The following CDCA7L variants were observed in gnomAD, a reference collection of about 807,000 sequenced individuals.
CDCA7L encodes the protein cell division cycle associated 7 like, also known as cell division cycle-associated 7-like protein.
Under a neutral mutation model 57.4 loss-of-function variants are expected in CDCA7L, and 44 were observed. The observed-to-expected ratio is 0.77, with a 90% confidence interval of 0.60 to 0.98. The LOEUF (loss-of-function observed/expected upper bound fraction) is 0.98, where lower values mean the gene tolerates loss of function less well. CDCA7L is among the 50% of genes least tolerant of loss of function. The probability of loss-of-function intolerance (pLI) is 0.00; values close to 1 mark genes in which losing one functional copy is unlikely to be tolerated. For missense variants in CDCA7L, 644 were observed against 580.6 expected, an observed-to-expected ratio of 1.11 and a Z score of -1.12; for synonymous variants, 236 against 202.8, an observed-to-expected ratio of 1.16 and a Z score of -1.39.
Position 21,901,657 on chromosome 7 carries a change from C to T in CDCA7L, c.*665G>A, listed in dbSNP as rs1296841980. On this transcript the variant is annotated 3_prime_UTR_variant, in exon 10 of 10. Transcript: ENST00000406877. Reference sequence around the variant, plus strand: ...AAAGAACGGAGATTTTAATTTTTAACAAACAACAAATTAAATTATTAGCCC... The same window carrying T: ...AAAGAACGGAGATTTTAATTTTTAATAAACAACAAATTAAATTATTAGCCC... 6.4e-6 allele frequency: 1 copy of T among 157,096 alleles called. No homozygotes were observed. Among genetic ancestry groups the T allele is most frequent in the Non-Finnish European group, 1.4e-5 (1 of 71,396 alleles). 9.7% of individuals were successfully genotyped at this position (157,096 alleles called of 1,614,324 possible).
At chr7:21,921,521 A>T (rs1785652450) in intron 1 of CDCA7L, among the ~76,000 whole-genome samples, 1 of 151,814 alleles carries the variant, frequency 6.6e-6, no homozygotes, top group Non-Finnish European at 1.5e-5. Context: ...AGGCCCAAGG[A>T]TCTGTCACTT....
intron 4 of CDCA7L, among the ~76,000 whole-genome samples, chr7:21,907,005 T>A (rs1562621863): frequency 6.6e-6 from 1 of 152,102 alleles, no homozygotes; most frequent in Non-Finnish European, 1.5e-5. Flanking sequence ...AGTCTCAAGT[T>A]TCAGGATGTT....
chr7:21,901,550 CAGAACAAGACTCCA>C lies in CDCA7L; in HGVS notation c.*758_*771del. On this transcript the variant is annotated 3_prime_UTR_variant, in exon 10 of 10. Transcript: ENST00000406877. ...CACCACTGCACTCCCTCCTGGGCAA[CAGAACAAGACTCCA>C]TCTCAAAAAAAAAAAAGTACATCAT... 1 of 217,030 alleles carries C rather than the reference CAGAACAAGACTCCA, an allele frequency of 4.6e-6. No homozygotes were observed. The highest frequency in any genetic ancestry group is 9.0e-6 in the Non-Finnish European group (1 of 111,670). The allele number at this position is 217,030 out of a possible 1,614,324, so 13.4% of individuals were successfully genotyped here.
chr7:21,904,457 C>CTGTT (rs1217591176), intron 7 of CDCA7L, among the ~76,000 whole-genome samples, 198 bp from the exon 8 acceptor site: 3 of 152,232 alleles, frequency 2.0e-5, no homozygotes, highest in Admixed American at 6.5e-5. Flanking sequence ...AGTCTGTGGC[C>CTGTT]TGTTTGGAAC....
rs1209040924 is a variant in CDCA7L, at chr7:21,901,339, T to TCTAA, written c.*979_*982dup. The TCTAA allele has an allele frequency of 4.7e-5, 67 of 1,414,384 alleles. No individual in the cohort carries two copies. The highest frequency in any genetic ancestry group is 4.3e-4 in the Middle Eastern group (2 of 4,670). 87.6% of individuals were successfully genotyped at this position (1,414,384 alleles called of 1,614,324 possible). A position where few individuals can be genotyped will look rare whatever the true frequency, so the allele number is the denominator to read the frequency against. ...GCTGCACTGTTCCCATGCACATTAT[T>TCTAA]CTAACTTTTTAGTAACTCACACGTG... On this transcript the variant is annotated 3_prime_UTR_variant, in exon 10 of 10. Coordinates refer to ENST00000406877, the MANE Select transcript of CDCA7L (RefSeq NM_018719.5).
At chr7:21,927,637 A>G (rs1187474755) in intron 1 of CDCA7L, among the ~76,000 whole-genome samples, 6 of 152,234 alleles carry the variant, frequency 3.9e-5, no homozygotes, top group Non-Finnish European at 8.8e-5. Flanking sequence ...AACTCCCCAA[A>G]CTGGCTGAAA....
chr7:21,905,734 C>A (rs958441329), intron 6 of CDCA7L, 103 bp from the exon 7 acceptor site: 4 of 1,254,010 alleles, frequency 3.2e-6, no homozygotes, highest in Non-Finnish European at 4.2e-6. Context: ...AATGTTAACC[C>A]CGTCCCTCTT....
chr7:21,927,121 T>C (rs1476460210), intron 1 of CDCA7L, among the ~76,000 whole-genome samples: 1 of 151,902 alleles, frequency 6.6e-6, no homozygotes, highest in Non-Finnish European at 1.5e-5. Context: ...CAAAGACATA[T>C]AAAAAAGAAG....
At chr7:21,933,796 T>G (rs1484181127) in intron 1 of CDCA7L, among the ~76,000 whole-genome samples, 1 of 138,458 alleles carries the variant, frequency 7.2e-6, no homozygotes, top group Non-Finnish European at 1.6e-5. Context: ...GAACTTAAAG[T>G]ATAAAAAAAA....
Position 21,916,651 on chromosome 7 carries a change from G to T in CDCA7L, c.165+103C>A. On this transcript the variant is annotated intron_variant, in intron 2 of 9. Transcript: ENST00000406877. ...TTTCTAAAATAAAATGCTAGACAAT[G>T]AACTGATATCACCAATCTCACACCA... 5 of 1,048,722 alleles carry T rather than the reference G, an allele frequency of 4.8e-6. No homozygotes were observed. The South Asian group carries it at 7.5e-5, about 16-fold the overall frequency. 65.0% of individuals were successfully genotyped at this position (1,048,722 alleles called of 1,614,324 possible). A position where few individuals can be genotyped will look rare whatever the true frequency, so the allele number is the denominator to read the frequency against.
chr7:21,938,822 C>A (rs543228677), intron 1 of CDCA7L, among the ~76,000 whole-genome samples: 9 of 152,032 alleles, frequency 5.9e-5, no homozygotes, highest in African/African-American at 2.2e-4. Context: ...CTGGGCAACA[C>A]AGAGACTCCA....
chr7:21,917,567 T>C (rs749313447), intron 1 of CDCA7L, among the ~76,000 whole-genome samples: 8 of 152,214 alleles, frequency 5.3e-5, no homozygotes, highest in Non-Finnish European at 4.4e-5. Context: ...TTAAAAAAGT[T>C]CAAACACACA....
chr7:21,903,888 G>GGAAAATCTA (rs1785035972), intron 8 of CDCA7L: 2 of 410,690 alleles, frequency 4.9e-6, no homozygotes, highest in Admixed American at 8.4e-5. Flanking sequence ...CTCTGACAAT[G>GGAAAATCTA]GAAAATCTAA....
intron 1 of CDCA7L, among the ~76,000 whole-genome samples, chr7:21,928,202 A>G (rs992576142): frequency 6.6e-6 from 1 of 152,226 alleles, no homozygotes; most frequent in African/African-American, 2.4e-5. Context: ...GCAGACCTGC[A>G]GCAGAGGGGC....
intron 1 of CDCA7L, among the ~76,000 whole-genome samples, chr7:21,924,499 G>A (rs1583864120): frequency 2.6e-5 from 4 of 152,134 alleles, no homozygotes; most frequent in East Asian, 3.9e-4. Flanking sequence ...CACGAAGGGC[G>A]AGAACTGTTA....
At chr7:21,904,528 C>A (rs1785069416) in intron 7 of CDCA7L, among the ~76,000 whole-genome samples, 1 of 152,156 alleles carries the variant, frequency 6.6e-6, no homozygotes, top group Admixed American at 6.5e-5. Flanking sequence ...AGCTCTGCCT[C>A]CTGTCAGATC....
At position 21,904,252 on chromosome 7, in the gene CDCA7L, G is replaced by C; in HGVS notation, c.1055C>G (p.Thr352Arg). 1.2e-6 allele frequency: 2 copies of C among 1,604,178 alleles called. No individual in the cohort carries two copies. The highest frequency in any genetic ancestry group is 1.7e-6 in the Non-Finnish European group (2 of 1,175,314). ...GGTCTTTTGTCGACACTGATGGCAC[G>C]TGTTACCCTACAGGGGGAAGGCAGT... ...DKIYDKVLGNTCHQCRQKTID... is the reference protein window; with the variant it reads ...DKIYDKVLGNRCHQCRQKTID... The change falls in exon 8 of 10, where the codon ACG becomes AGG. Residue 352 changes from threonine (T) to arginine (R), a missense_variant. By Grantham distance (71) the Thr-to-Arg change is moderately conservative. Transcript: ENST00000406877.
At chr7:21,940,472 A>C (rs10264970) in intron 1 of CDCA7L, among the ~76,000 whole-genome samples, 1,784 of 152,352 alleles carry the variant, frequency 0.012, 35 homozygotes, top group African/African-American at 0.041. Flanking sequence ...ACACCATGCT[A>C]AGAGAGCTGA....
In CDCA7L at chr7:21,911,613, T is replaced by C. The variant is rs201306519; in HGVS notation, c.303+4A>G. ...CCCACATCCCTTCCTGTTGTAATTA[T>C]TACCATTACTTCTGGGTTAGTCTTT... is the stretch of plus-strand genomic sequence containing the variant. On this transcript the variant is annotated splice_donor_region_variant and intron_variant, in intron 3 of 9. Coordinates refer to ENST00000406877, the MANE Select transcript of CDCA7L (RefSeq NM_018719.5). The C allele has an allele frequency of 1.9e-6, 3 of 1,608,438 alleles. No homozygotes were observed. The highest frequency in any genetic ancestry group is 2.5e-6 in the Non-Finnish European group (3 of 1,178,602).
Sources: allele counts gnomAD v4.1 joint callset (sites outside exome capture counted in the v4.1 genomes callset), GRCh38; gene constraint gnomAD v4.1.1; transcripts MANE v1.5; gene names NCBI Gene and HGNC (gene_info 2026-07-23, HGNC 2026-07-21).